Variants in CBLB observed in about 807,000 individuals in gnomAD.
CBLB encodes Cbl proto-oncogene B.
In CBLB, 31 loss-of-function variants were observed where a neutral mutation model predicts 104.9. The observed-to-expected ratio is 0.30, with a 90% confidence interval of 0.22 to 0.40. The LOEUF is 0.40. CBLB is among the 10% of genes least tolerant of loss of function. CBLB has a pLI of 1.00. For missense variants in CBLB, 1,062 were observed against 1,214.6 expected, an observed-to-expected ratio of 0.87 and a Z score of 1.87; for synonymous variants, 440 against 422.6, an observed-to-expected ratio of 1.04 and a Z score of -0.51.
intron 18 of CBLB, among the ~76,000 whole-genome samples, chr3:105,660,246 G>C (rs189533629): frequency 6.6e-6 from 1 of 152,092 alleles, no homozygotes; most frequent in Non-Finnish European, 1.5e-5. Context: ...GTGCAATGGC[G>C]TAGTCTCAGC....
chr3:105,680,352 C>T (rs2066165776), intron 16 of CBLB, among the ~76,000 whole-genome samples: 1 of 152,182 alleles, frequency 6.6e-6, no homozygotes, highest in South Asian at 2.1e-4. Flanking sequence ...ATAAAGTAGT[C>T]ACCCATCCAC....
intron 9 of CBLB, among the ~76,000 whole-genome samples, chr3:105,721,918 G>A (rs902070890): frequency 1.3e-5 from 2 of 151,980 alleles, no homozygotes; most frequent in Non-Finnish European, 2.9e-5. Context: ...TCCATATTAG[G>A]TGCCTATAGT....
intron 4 of CBLB, among the ~76,000 whole-genome samples, chr3:105,768,141 G>T (rs2078436587): frequency 6.6e-6 from 1 of 152,196 alleles, no homozygotes; most frequent in African/African-American, 2.4e-5. Context: ...AGTCTAGGGG[G>T]AAGTATGACA....
At chr3:105,663,805 C>T (rs1411513748) in intron 18 of CBLB, among the ~76,000 whole-genome samples, 1 of 151,388 alleles carries the variant, frequency 6.6e-6, no homozygotes, top group African/African-American at 2.4e-5. Flanking sequence ...TGTGGCCTTC[C>T]AAAGAGCCAT....
intron 17 of CBLB, among the ~76,000 whole-genome samples, chr3:105,675,987 C>T (rs1389772994): frequency 2.1e-5 from 3 of 140,880 alleles, no homozygotes; most frequent in Non-Finnish European, 4.6e-5. Context: ...AAAAAGTTGC[C>T]TTTTTTTTTT....
chr3:105,821,260 A>ATATC (rs10660729), intron 3 of CBLB, among the ~76,000 whole-genome samples: 83,024 of 149,304 alleles, frequency 0.56, 24,047 homozygotes, highest in Non-Finnish European at 0.66. Context: ...ATCTATATCT[A>ATATC]TATCTATCTA....
At chr3:105,703,138 G>A (rs936807312) in intron 11 of CBLB, among the ~76,000 whole-genome samples, 4 of 152,090 alleles carry the variant, frequency 2.6e-5, no homozygotes, top group Admixed American at 1.3e-4. Flanking sequence ...TATGCTTTTC[G>A]TAGCTTTTGA....
intron 3 of CBLB, among the ~76,000 whole-genome samples, chr3:105,825,950 C>G (rs1411787630): frequency 2.7e-5 from 4 of 147,156 alleles, no homozygotes; most frequent in African/African-American, 1.0e-4. Flanking sequence ...TAATGACATA[C>G]AAATTCCTAA....
chr3:105,707,185 G>T (rs973437633), intron 10 of CBLB, among the ~76,000 whole-genome samples: 2 of 152,170 alleles, frequency 1.3e-5, no homozygotes, highest in African/African-American at 4.8e-5. Context: ...TGAACTTTTA[G>T]ATACTTCCAG....
chr3:105,803,824 A>G (rs1178486383), intron 3 of CBLB, among the ~76,000 whole-genome samples: 3 of 152,216 alleles, frequency 2.0e-5, no homozygotes, highest in African/African-American at 7.2e-5. Flanking sequence ...TATAATTTTT[A>G]AGTTACATTT....
At chr3:105,831,138 G>A (rs939512464) in intron 3 of CBLB, among the ~76,000 whole-genome samples, 1 of 152,116 alleles carries the variant, frequency 6.6e-6, no homozygotes, top group African/African-American at 2.4e-5. Context: ...AAAATCAGAA[G>A]AGCAGAAGAG....
intron 11 of CBLB, 133 bp from the exon 12 acceptor site, chr3:105,702,592 G>C (rs2069389134): frequency 1.1e-6 from 1 of 912,100 alleles, no homozygotes; most frequent in African/African-American, 1.7e-5. Context: ...CTAGATTCCT[G>C]TGCCATCTTT....
intron 17 of CBLB, 140 bp from the exon 18 acceptor site, chr3:105,670,492 T>A (rs942431894): frequency 1.5e-6 from 1 of 667,702 alleles, no homozygotes. Context: ...ATATTAACCA[T>A]TTTTTACTGC....
intron 3 of CBLB, among the ~76,000 whole-genome samples, chr3:105,847,060 C>T (rs2090345146): frequency 6.6e-6 from 1 of 151,922 alleles, no homozygotes; most frequent in South Asian, 2.1e-4. Context: ...TTTGTTGTTG[C>T]TCTTGTTATT....
chr3:105,681,006 T>A (rs2066255821), intron 16 of CBLB: 1 of 163,824 alleles, frequency 6.1e-6, no homozygotes, highest in Admixed American at 5.7e-5. Context: ...TTTGAATGTG[T>A]TACAGTTGTA....
intron 17 of CBLB, among the ~76,000 whole-genome samples, chr3:105,677,419 T>TA (rs2152715484): frequency 6.7e-6 from 1 of 150,240 alleles, no homozygotes; most frequent in African/African-American, 2.4e-5. Flanking sequence ...AGGAAGCTGA[T>TA]AAGGGAATCA....
intron 4 of CBLB, chr3:105,762,396 G>C (rs751284899): frequency 1.3e-5 from 2 of 152,222 alleles, no homozygotes; most frequent in Non-Finnish European, 2.9e-5. Flanking sequence ...CACAGGCCTG[G>C]AGGCCTAGGA....
At chr3:105,662,970 C>T (rs943449104) in intron 18 of CBLB, among the ~76,000 whole-genome samples, 1 of 152,174 alleles carries the variant, frequency 6.6e-6, no homozygotes. Context: ...TACTTGAGAC[C>T]TTCACTACAA....
At chr3:105,737,031 C>T (rs2075025107) in intron 8 of CBLB, 140 bp downstream of exon 8, 1 of 421,118 alleles carries the variant, frequency 2.4e-6, no homozygotes, top group South Asian at 7.4e-5. Flanking sequence ...ATAATTTCTC[C>T]TTAAACACTC....
Sources: gnomAD v4.1 joint callset for allele counts (sites outside exome capture counted in the v4.1 genomes callset) on GRCh38, gnomAD v4.1.1 for gene constraint, MANE v1.5 for transcripts, NCBI Gene and HGNC (gene_info 2026-07-23, HGNC 2026-07-21) for gene names.